The following RBFOX1 variants were observed in gnomAD, a reference collection of about 807,000 sequenced individuals.
RBFOX1 encodes the protein RNA binding fox-1 homolog 1.
RBFOX1 carries 8 observed loss-of-function variants against 57.7 expected under a neutral mutation model. That is an observed-to-expected ratio of 0.14 (90% CI 0.08 to 0.25). The LOEUF is 0.25. Among genes scored for constraint, RBFOX1 ranks in the 10% least tolerant of loss-of-function variants. The pLI, the probability that RBFOX1 is intolerant of heterozygous loss-of-function variation, is 1.00. For synonymous variants in RBFOX1, 326 were observed against 222.4 expected, an observed-to-expected ratio of 1.47 and a Z score of -4.15; for missense variants, 611 against 548.5, an observed-to-expected ratio of 1.11 and a Z score of -1.14.
At chr16:6,202,757 T>C (rs2097223070) in intron 1 of RBFOX1, among the ~76,000 whole-genome samples, 1 of 152,104 alleles carries the variant, frequency 6.6e-6, no homozygotes, top group South Asian at 2.1e-4. Context: ...TCCCACGTTC[T>C]TTATGTAATT....
At chr16:6,981,673 C>T (rs1388643048) in intron 3 of RBFOX1, among the ~76,000 whole-genome samples, 2 of 152,160 alleles carry the variant, frequency 1.3e-5, no homozygotes, top group East Asian at 3.9e-4. Context: ...TGTAGAGGAA[C>T]TCCCTTTTAT....
At chr16:6,258,205 C>T (rs1202088785) in intron 1 of RBFOX1, among the ~76,000 whole-genome samples, 1 of 152,118 alleles carries the variant, frequency 6.6e-6, no homozygotes, top group Non-Finnish European at 1.5e-5. Flanking sequence ...GCCAGCTGGC[C>T]ATTAAAGACA....
At chr16:5,913,084 C>G (rs1334101913) in intron 4 of RBFOX1, among the ~76,000 whole-genome samples, 4 of 152,218 alleles carry the variant, frequency 2.6e-5, no homozygotes, top group Non-Finnish European at 5.9e-5. Flanking sequence ...CATTTCCAAG[C>G]TGCATGTAGT....
rs59502673 is a variant in RBFOX1, at chr16:6,362,684, G to T, written c.-64+45627G>T. On this transcript the variant is annotated intron_variant, in intron 2 of 15. Transcript: ENST00000550418. ...CTTTAACCAGAAGGTGACTGGTTCTGGTCTAGCTTGGGTCATTGGTAATCA... is the reference window on the plus strand; with the variant it reads ...CTTTAACCAGAAGGTGACTGGTTCTTGTCTAGCTTGGGTCATTGGTAATCA... Among the ~76,000 whole-genome samples the T allele has an allele frequency of 5.9e-3, 892 of 152,318 alleles. 21 individuals carry two copies. The highest frequency in any genetic ancestry group is 0.037 in the Admixed American group (559 of 15,294).
chr16:7,424,182 C>A (rs1261481312), intron 4 of RBFOX1, among the ~76,000 whole-genome samples: 1 of 151,728 alleles, frequency 6.6e-6, no homozygotes, highest in African/African-American at 2.4e-5. Context: ...AGATTTTTGT[C>A]ATTTTTTTTA....
At chr16:6,862,213 TTACTC>T (rs2059145627) in intron 3 of RBFOX1, among the ~76,000 whole-genome samples, 1 of 152,156 alleles carries the variant, frequency 6.6e-6, no homozygotes, top group Non-Finnish European at 1.5e-5. Context: ...GTACTGACCC[TTACTC>T]TAGAGAGTTA....
rs11861937 is a variant in RBFOX1, at chr16:6,941,243, C to T, written c.-15-110814C>T. On this transcript the variant is annotated intron_variant, in intron 3 of 15. Transcript: ENST00000550418. ...CCCATTACCTCCCTCCCTCCATCCC[C>T]TCCCATTCCCTCCCTCCCATTTCCT... 1.5e-4 allele frequency among the ~76,000 whole-genome samples: 21 copies of T among 136,794 alleles called. 1 individual carries two copies. The highest frequency in any genetic ancestry group is 6.4e-4 in the African/African-American group (21 of 32,958). The allele number at this position is 136,794 out of a possible 152,430, so 89.7% of individuals were successfully genotyped here.
intron 3 of RBFOX1, among the ~76,000 whole-genome samples, chr16:6,962,658 A>C (rs1466641760): frequency 6.6e-6 from 1 of 152,102 alleles, no homozygotes; most frequent in African/African-American, 2.4e-5. Context: ...TGAACTCAGG[A>C]GTTCAAGACC....
At chr16:6,902,170 C>T (rs1398307202) in intron 3 of RBFOX1, among the ~76,000 whole-genome samples, 1 of 152,146 alleles carries the variant, frequency 6.6e-6, no homozygotes, top group Non-Finnish European at 1.5e-5. Flanking sequence ...CTGGGATATT[C>T]ATTGTTCTAC....
Position 5,730,770 on chromosome 16 carries a change from A to C in RBFOX1, c.318+131809A>C, listed in dbSNP as rs1390507725. Among the ~76,000 whole-genome samples, 3 of 152,158 alleles carry C rather than the reference A, an allele frequency of 2.0e-5. 1 individual carries two copies. In the South Asian group the frequency reaches 6.2e-4, roughly 32 times the overall value. Reference sequence around the variant, plus strand: ...CATCATCACCATCAGTATCACTGCTACCATTGTCACCAATGTTAACACCAT... The same window carrying C: ...CATCATCACCATCAGTATCACTGCTCCCATTGTCACCAATGTTAACACCAT... On this transcript the variant is annotated intron_variant, in intron 3 of 19. Coordinates refer to the RBFOX1 transcript ENST00000641259.
At chr16:6,856,432 C>G (rs117926330) in intron 3 of RBFOX1, among the ~76,000 whole-genome samples, 22 of 152,076 alleles carry the variant, frequency 1.4e-4, no homozygotes, top group Non-Finnish European at 3.2e-4. Context: ...TGATCCCACT[C>G]AGGAGACAGC....
intron 1 of RBFOX1, among the ~76,000 whole-genome samples, chr16:6,141,049 G>C (rs1186867176): frequency 2.6e-5 from 4 of 152,152 alleles, no homozygotes; most frequent in Non-Finnish European, 5.9e-5. Context: ...CTGGAGCTCT[G>C]CGTCATTTTC....
chr16:6,906,134 G>C (rs376544178), intron 3 of RBFOX1, among the ~76,000 whole-genome samples: 2 of 152,106 alleles, frequency 1.3e-5, no homozygotes, highest in Non-Finnish European at 1.5e-5. Flanking sequence ...GCCTCACTTA[G>C]GGCTGCAAAC....
Position 7,144,417 on chromosome 16 carries a change from C to CTTCTTTTTTTTTTT in RBFOX1, c.27+92321_27+92322insCTTTTTTTTTTTTT, listed in dbSNP as rs3046798. Reference sequence around the variant, plus strand: ...TCTTTTCTCTTTCTTTTTCTTTCTTCTTTTTTTTTTTTTTTTTTTTTGAGT... The same window carrying CTTCTTTTTTTTTTT: ...TCTTTTCTCTTTCTTTTTCTTTCTTCTTCTTTTTTTTTTTTTTTTTTTTTTTTTTTTTTTTGAGT... On this transcript the variant is annotated intron_variant, in intron 4 of 15. Coordinates refer to ENST00000550418, the MANE Select transcript of RBFOX1 (RefSeq NM_018723.4). 2.0e-3 allele frequency among the ~76,000 whole-genome samples: 135 copies of CTTCTTTTTTTTTTT among 66,920 alleles called. 5 individuals carry two copies. The highest frequency in any genetic ancestry group is 4.8e-3 in the South Asian group (7 of 1,450). 43.9% of individuals were successfully genotyped at this position (66,920 alleles called of 152,430 possible).
intron 1 of RBFOX1, among the ~76,000 whole-genome samples, chr16:6,193,360 A>ATATATATAC (rs2097154484): frequency 1.5e-5 from 1 of 66,544 alleles, no homozygotes; most frequent in Non-Finnish European, 3.2e-5. Context: ...TATACATTAT[A>ATATATATAC]TATATATATA....
At chr16:6,958,622 G>C (rs1362971980) in intron 3 of RBFOX1, among the ~76,000 whole-genome samples, 1 of 152,182 alleles carries the variant, frequency 6.6e-6, no homozygotes, top group Non-Finnish European at 1.5e-5. Flanking sequence ...TCAGAGTAGG[G>C]ATGTGATGCT....
Position 6,649,781 on chromosome 16 carries a change from C to T in RBFOX1, c.-63-4822C>T, listed in dbSNP as rs538346801. Among the ~76,000 whole-genome samples the T allele has an allele frequency of 2.6e-5, 4 of 151,994 alleles. No individual in the cohort carries two copies. In the South Asian group the frequency reaches 8.3e-4, roughly 32 times the overall value. On this transcript the variant is annotated intron_variant, in intron 2 of 15. Coordinates refer to ENST00000550418, the MANE Select transcript of RBFOX1 (RefSeq NM_018723.4). Reference sequence around the variant, plus strand: ...TATGTATATATAAGATGTAGTATTCCATTTTATATATGTAAGTATATGCAT... The same window carrying T: ...TATGTATATATAAGATGTAGTATTCTATTTTATATATGTAAGTATATGCAT...
intron 4 of RBFOX1, among the ~76,000 whole-genome samples, chr16:6,002,067 G>T (rs1461568243): frequency 6.6e-6 from 1 of 151,280 alleles, no homozygotes; most frequent in Non-Finnish European, 1.5e-5. Flanking sequence ...AAACTCTTGG[G>T]CTCAAGCGAT....
At chr16:7,511,672 T>C (rs367913552) in intron 4 of RBFOX1, among the ~76,000 whole-genome samples, 1 of 152,206 alleles carries the variant, frequency 6.6e-6, no homozygotes, top group East Asian at 1.9e-4. Flanking sequence ...ATAATCCTTT[T>C]GCTCTTGGTA....
Sources: gnomAD v4.1 joint callset for allele counts (sites outside exome capture counted in the v4.1 genomes callset) on GRCh38, gnomAD v4.1.1 for gene constraint, MANE v1.5 for transcripts, NCBI Gene and HGNC (gene_info 2026-07-23, HGNC 2026-07-21) for gene names.